The following KCNS3 variants were observed in gnomAD, a reference collection of about 807,000 sequenced individuals.
KCNS3 encodes the protein delayed-rectifier potassium channel regulatory subunit KCNS3.
KCNS3 carries 13 observed loss-of-function variants against 31.0 expected under a neutral mutation model. That is an observed-to-expected ratio of 0.42 (90% CI 0.27 to 0.67). The LOEUF (loss-of-function observed/expected upper bound fraction) is 0.67. Ranked by LOEUF, KCNS3 falls within the 30% of genes least tolerant of loss-of-function variation. The pLI, the probability that KCNS3 is intolerant of heterozygous loss-of-function variation, is 0.25. For missense variants in KCNS3, 545 were observed against 622.4 expected, an observed-to-expected ratio of 0.88 and a Z score of 1.32; for synonymous variants, 238 against 241.5, an observed-to-expected ratio of 0.99 and a Z score of 0.13.
At position 17,914,584 on chromosome 2, in the gene KCNS3, A is replaced by C. The variant is rs555653124; in HGVS notation, c.-251-3096A>C. On this transcript the variant is annotated intron_variant, in intron 1 of 2. Coordinates refer to ENST00000304101, the MANE Select transcript of KCNS3 (RefSeq NM_002252.5). ...TTCATTATCCACATTTATTCTTTTC[A>C]TTAATTTACTCTTTAGTCTTGTTGG... Among the ~76,000 whole-genome samples, 5 of 152,128 alleles carry C rather than the reference A, an allele frequency of 3.3e-5. No homozygotes were observed. The South Asian group carries it at 1.0e-3, about 32-fold the overall frequency.
At chr2:17,912,092 G>A (rs529650156) in intron 1 of KCNS3, among the ~76,000 whole-genome samples, 1 of 152,306 alleles carries the variant, frequency 6.6e-6, no homozygotes, top group South Asian at 2.1e-4. Context: ...CGTGCAGGCT[G>A]TCTTTGACAT....
intron 1 of KCNS3, among the ~76,000 whole-genome samples, chr2:17,912,228 A>G (rs193194834): frequency 8.2e-4 from 125 of 152,340 alleles, no homozygotes; most frequent in African/African-American, 2.7e-3. Flanking sequence ...ACACATTGCT[A>G]TGATGTCCTC....
chr2:17,908,379 T>G (rs1003099595), intron 1 of KCNS3, among the ~76,000 whole-genome samples: 3 of 152,208 alleles, frequency 2.0e-5, no homozygotes, highest in Admixed American at 2.0e-4. Flanking sequence ...TTTTCAAGGT[T>G]TTTAGCTTCT....
At chr2:17,906,226 A>T (rs11685923) in intron 1 of KCNS3, among the ~76,000 whole-genome samples, 32,210 of 152,180 alleles carry the variant, frequency 0.21, 4,528 homozygotes, top group Non-Finnish European at 0.32. Context: ...CATTTCTTCT[A>T]GATTTTCTAG....
At chr2:17,908,185 CT>C (rs1413919951) in intron 1 of KCNS3, among the ~76,000 whole-genome samples, 1 of 152,158 alleles carries the variant, frequency 6.6e-6, no homozygotes, top group Admixed American at 6.5e-5. Context: ...CTCTAAACTT[CT>C]CTTCTCACTT....
chr2:17,898,414 A>G (rs1469067385), intron 1 of KCNS3, among the ~76,000 whole-genome samples: 1 of 152,120 alleles, frequency 6.6e-6, no homozygotes, highest in African/African-American at 2.4e-5. Context: ...GACCATTTTA[A>G]TGATATTGAT....
At chr2:17,910,386 G>C (rs1342617132) in intron 1 of KCNS3, among the ~76,000 whole-genome samples, 1 of 152,162 alleles carries the variant, frequency 6.6e-6, no homozygotes, top group Non-Finnish European at 1.5e-5. Flanking sequence ...TTTAGTTAGA[G>C]ATTGGTGAAA....
In KCNS3 at chr2:17,893,940, G is replaced by GTTTTTTTTTTTTTTT. The variant is rs5829612; in HGVS notation, c.-252+15146_-252+15160dup. On this transcript the variant is annotated intron_variant, in intron 1 of 2. Transcript: ENST00000304101. ...CCCTCTGCCATGATCCCAGGAGCCA[G>GTTTTTTTTTTTTTTT]TTTTTTTTTTTTTTTTTTTTTTTTT... 2.5e-4 allele frequency among the ~76,000 whole-genome samples: 25 copies of GTTTTTTTTTTTTTTT among 98,900 alleles called. 2 individuals carry two copies. Among genetic ancestry groups the GTTTTTTTTTTTTTTT allele is most frequent in the African/African-American group, 7.6e-4 (17 of 22,414 alleles). 64.9% of individuals were successfully genotyped at this position (98,900 alleles called of 152,430 possible).
At position 17,921,300 on chromosome 2, in the gene KCNS3, T is replaced by C. The variant is rs373833572; in HGVS notation, c.-60+3429T>C. On this transcript the variant is annotated intron_variant, in intron 2 of 2. Coordinates refer to ENST00000304101, the MANE Select transcript of KCNS3 (RefSeq NM_002252.5). ...TGCAACAGTGATTAACTCATAGCCA[T>C]CTTGTATGATCAGAGCTCCTGCCTT... Among the ~76,000 whole-genome samples, 3 of 152,214 alleles carry C rather than the reference T, an allele frequency of 2.0e-5. 1 individual carries two copies. The highest frequency in any genetic ancestry group is 7.2e-5 in the African/African-American group (3 of 41,448).
At chr2:17,889,983 TA>T (rs1661807450) in intron 1 of KCNS3, among the ~76,000 whole-genome samples, 1 of 152,202 alleles carries the variant, frequency 6.6e-6, no homozygotes, top group Non-Finnish European at 1.5e-5. Context: ...TCTTGTGGAA[TA>T]GTGTCAAAAG....
intron 1 of KCNS3, among the ~76,000 whole-genome samples, chr2:17,907,794 C>G (rs1391496710): frequency 6.6e-6 from 1 of 152,234 alleles, no homozygotes; most frequent in Non-Finnish European, 1.5e-5. Flanking sequence ...GGCCCCCACT[C>G]TCTTCTGGGT....
intron 1 of KCNS3, among the ~76,000 whole-genome samples, chr2:17,907,755 A>T (rs2125243724): frequency 6.6e-6 from 1 of 152,204 alleles, no homozygotes; most frequent in African/African-American, 2.4e-5. Flanking sequence ...CTGGGTTGAA[A>T]ATTCTTTTCC....
chr2:17,892,592 G>A (rs954093245), intron 1 of KCNS3, among the ~76,000 whole-genome samples: 2 of 152,144 alleles, frequency 1.3e-5, no homozygotes, highest in African/African-American at 4.8e-5. Flanking sequence ...TAGGGCTGAA[G>A]GCTGTTGTTC....
intron 1 of KCNS3, among the ~76,000 whole-genome samples, chr2:17,899,873 A>G (rs1662127020): frequency 6.6e-6 from 1 of 152,240 alleles, no homozygotes; most frequent in East Asian, 1.9e-4. Flanking sequence ...GAGGTGATAT[A>G]AGTAATTGGT....
In KCNS3 at chr2:17,883,358, G is replaced by A. The variant is rs558532548; in HGVS notation, c.-252+4552G>A. On this transcript the variant is annotated intron_variant, in intron 1 of 2. Coordinates refer to ENST00000304101, the MANE Select transcript of KCNS3 (RefSeq NM_002252.5). ...TACATGATGTTATGTACTATGCTAG[G>A]TGCTGGGTATACTGTGGTAAAGGAA... Among the ~76,000 whole-genome samples the A allele has an allele frequency of 4.6e-4, 69 of 149,412 alleles. 1 individual carries two copies. Among genetic ancestry groups the A allele is most frequent in the African/African-American group, 1.6e-3 (63 of 40,516 alleles).
At chr2:17,891,679 T>TA (rs1661858861) in intron 1 of KCNS3, among the ~76,000 whole-genome samples, 1 of 152,202 alleles carries the variant, frequency 6.6e-6, no homozygotes, top group Non-Finnish European at 1.5e-5. Context: ...TTTCTTTATA[T>TA]ATGATGCTTA....
At chr2:17,927,820 C>CTT (rs201689167) in intron 2 of KCNS3, among the ~76,000 whole-genome samples, 6,308 of 152,252 alleles carry the variant, frequency 0.041, 393 homozygotes, top group African/African-American at 0.14. Flanking sequence ...TTAACTCTTT[C>CTT]AACCAATTGC....
rs996415162 is a variant in KCNS3 at position 17,931,495 on chromosome 2, C to A, written c.487C>A (p.Arg163=). The A allele has an allele frequency of 6.2e-7, 1 of 1,614,146 alleles. No homozygotes were observed. The highest frequency in any genetic ancestry group is 1.1e-5 in the South Asian group (1 of 91,076). ...AGAGCTGGAGAAGTTTGACACACTG[C>A]GATTTGGTCAGCTCCGGAAGAAAAT... The part of the protein sequence containing the change: ...EKELEKFDTL[R]FGQLRKKIWI... Residue 163 remains arginine (R), a synonymous_variant, in exon 3 of 3, where the codon CGA becomes AGA. Transcript: ENST00000304101. This position sits in a 1 kb window ranked among gnomAD's most constrained non-coding sequence, Gnocchi z 5.4.
rs1326758857 is a variant in KCNS3, at chr2:17,932,475, A to G, written c.1467A>G (p.Thr489=). ...ICNTTSLENC[T]AK is the part of the protein sequence containing the mutation. Reference sequence around the variant, plus strand: ...ACACCACCTCCTTGGAGAATTGCACAGCAAAATGAGCGGGGGTGTTTGTGC... The same window carrying G: ...ACACCACCTCCTTGGAGAATTGCACGGCAAAATGAGCGGGGGTGTTTGTGC... Residue 489 remains threonine, a synonymous_variant, in exon 3 of 3, where the codon ACA becomes ACG. Transcript: ENST00000304101. 6.2e-7 allele frequency: 1 copy of G among 1,608,262 alleles called. No individual in the cohort carries two copies. Among genetic ancestry groups the G allele is most frequent in the Admixed American group, 1.7e-5 (1 of 59,644 alleles).
Sources: allele counts gnomAD v4.1 joint callset (sites outside exome capture counted in the v4.1 genomes callset), GRCh38; gene constraint gnomAD v4.1.1; non-coding constraint Gnocchi (gnomAD v3.1); transcripts MANE v1.5; gene names NCBI Gene and HGNC (gene_info 2026-07-23, HGNC 2026-07-21).